Variants in TNS3 observed in about 807,000 individuals in gnomAD.
The protein encoded by TNS3 is tensin 3.
TNS3 carries 45 observed loss-of-function variants against 140.9 expected under a neutral mutation model. The ratio of observed to expected loss-of-function variants is 0.32; its 90% CI spans 0.25 to 0.41. TNS3 has a LOEUF of 0.41. Among genes scored for constraint, TNS3 ranks in the 10% least tolerant of loss-of-function variants. TNS3 has a pLI of 1.00. For synonymous variants in TNS3, 815 were observed against 788.4 expected, an observed-to-expected ratio of 1.03 and a Z score of -0.56; for missense variants, 1,716 against 1,906.7, an observed-to-expected ratio of 0.90 and a Z score of 1.86.
intron 20 of TNS3, among the ~76,000 whole-genome samples, chr7:47,332,105 G>A (rs1788374886): frequency 6.6e-6 from 1 of 152,224 alleles, no homozygotes; most frequent in African/African-American, 2.4e-5. Flanking sequence ...AAAAGAATGG[G>A]TGCATTTTGG....
intron 1 of TNS3, among the ~76,000 whole-genome samples, chr7:47,581,262 G>C (rs1784524265): frequency 6.6e-6 from 1 of 151,984 alleles, no homozygotes; most frequent in Admixed American, 6.6e-5. Context: ...GTCAGCGACA[G>C]CTCCCGCGTG....
chr7:47,462,417 C>A (rs182890352), intron 4 of TNS3, among the ~76,000 whole-genome samples: 1 of 152,152 alleles, frequency 6.6e-6, no homozygotes, highest in Non-Finnish European at 1.5e-5. Context: ...TGCGCCTGGC[C>A]GAGGTTATGT....
intron 17 of TNS3, among the ~76,000 whole-genome samples, chr7:47,348,615 T>G (rs1366210916): frequency 1.3e-5 from 2 of 152,240 alleles, no homozygotes; most frequent in Non-Finnish European, 2.9e-5. Context: ...TTGTATACAT[T>G]TATCAAAATA....
chr7:47,376,169 T>C (rs1286327498), intron 16 of TNS3, among the ~76,000 whole-genome samples: 1 of 152,170 alleles, frequency 6.6e-6, no homozygotes, highest in Non-Finnish European at 1.5e-5. Flanking sequence ...CCTGATGATG[T>C]GCTGGAGAAT....
chr7:47,303,070 A>G lies in TNS3; in HGVS notation c.3337T>C (p.Ser1113Pro), dbSNP rs781637672. The part of the protein sequence containing the change: ...RASEGDRSLG[S>P]VSPSSSGFSS... ...AAGCCACTGGAGGAGGGAGAGACTG[A>G]GCCCAAAGAACGATCCCCCTCCGAG... Residue 1113 changes from serine (S) to proline (P), a missense_variant, in exon 22 of 31, where the codon TCA becomes CCA. Around this residue, in one of 3 missense-constraint regions of TNS3, gnomAD observed 1,163 missense variants for 1,182.1 expected, o/e 0.98. Coordinates refer to ENST00000311160, the MANE Select transcript of TNS3 (RefSeq NM_022748.12). The G allele has an allele frequency of 1.1e-5, 17 of 1,614,156 alleles. No individual in the cohort carries two copies. The South Asian group carries it at 1.9e-4, about 18-fold the overall frequency.
intron 16 of TNS3, among the ~76,000 whole-genome samples, chr7:47,378,615 T>C (rs958774341): frequency 3.2e-4 from 49 of 152,198 alleles, no homozygotes; most frequent in African/African-American, 1.2e-3. Flanking sequence ...GGGCAACCAC[T>C]GTCTTCCAAG....
chr7:47,435,384 T>C lies in TNS3; in HGVS notation c.222A>G (p.Pro74=), dbSNP rs1795127955. ...LNPKIMDVGW[P]ELHAPPLDKM... is the part of the protein sequence containing the mutation. ...TATCCAGGGGCGGTGCGTGGAGCTC[T>C]GGCCAGCCCACATCCATGATCTGCA... The change falls in exon 8 of 31, where the codon CCA becomes CCG. Residue 74 remains proline, a synonymous_variant. Transcript: ENST00000311160. 1 of 1,613,800 alleles carries C rather than the reference T, an allele frequency of 6.2e-7. No homozygotes were observed. Among genetic ancestry groups the C allele is most frequent in the Admixed American group, 1.7e-5 (1 of 60,000 alleles).
At chr7:47,545,686 T>A (rs1346459317) in intron 1 of TNS3, among the ~76,000 whole-genome samples, 1 of 152,170 alleles carries the variant, frequency 6.6e-6, no homozygotes, top group Non-Finnish European at 1.5e-5. Flanking sequence ...TCGACCCCCG[T>A]CCTTTCACAC....
intron 24 of TNS3, 30 bp from the exon 25 acceptor site, chr7:47,293,858 T>G (rs1785854476): frequency 2.5e-6 from 4 of 1,610,428 alleles, no homozygotes; most frequent in Non-Finnish European, 3.4e-6. Context: ...GAAAGAAGAA[T>G]TTTTTGAAAA....
chr7:47,552,701 C>T (rs868058622), intron 1 of TNS3, among the ~76,000 whole-genome samples: 6 of 152,180 alleles, frequency 3.9e-5, no homozygotes, highest in Non-Finnish European at 7.3e-5. Context: ...TCCCTCTCCT[C>T]GGACCTCCAT....
At position 47,278,153 on chromosome 7, in the gene TNS3, G is replaced by C. The variant is rs780601229; in HGVS notation, c.4261C>G (p.His1421Asp). Residue 1421 changes from histidine to aspartate, a missense_variant, in exon 31 of 31, where the codon CAT (histidine) becomes GAT (aspartate). This residue lies in a region of TNS3 where 216 missense variants were observed against 295.7 expected (regional missense o/e 0.73). Transcript: ENST00000311160. ...TDNVCHLFAE[H>D]DPEQPASAIV... ...GCACTGGCAGGCTGCTCAGGGTCATGCTCTGCAAACAGGTGGCACACATTA... is the reference window on the plus strand; with the variant it reads ...GCACTGGCAGGCTGCTCAGGGTCATCCTCTGCAAACAGGTGGCACACATTA... 6.2e-7 allele frequency: 1 copy of C among 1,614,158 alleles called. No individual in the cohort carries two copies.
At chr7:47,578,079 G>A (rs531922747) in intron 1 of TNS3, among the ~76,000 whole-genome samples, 17 of 151,278 alleles carry the variant, frequency 1.1e-4, no homozygotes, top group Non-Finnish European at 1.5e-4. Flanking sequence ...TTGGGAGGCC[G>A]AGGCAGGTGG....
At chr7:47,376,740 C>CACACACACACACACACAA (rs1398392229) in intron 16 of TNS3, among the ~76,000 whole-genome samples, 4 of 151,934 alleles carry the variant, frequency 2.6e-5, no homozygotes, top group African/African-American at 4.8e-5. Flanking sequence ...CACACACACA[C>CACACACACACACACACAA]ACACACACAC....
intron 2 of TNS3, among the ~76,000 whole-genome samples, chr7:47,515,064 T>C (rs933940270): frequency 1.7e-4 from 26 of 152,326 alleles, no homozygotes; most frequent in Middle Eastern, 3.4e-3. Context: ...CTTAACCCCA[T>C]TGCTCAATGT....
At chr7:47,530,052 A>T (rs1188102976) in intron 1 of TNS3, among the ~76,000 whole-genome samples, 1 of 152,252 alleles carries the variant, frequency 6.6e-6, no homozygotes, top group Non-Finnish European at 1.5e-5. Context: ...CAGCAATTCC[A>T]TTCTTATTTA....
Position 47,400,692 on chromosome 7 carries a change from T to C in TNS3, c.853+93A>G, listed in dbSNP as rs190781013. On this transcript the variant is annotated intron_variant, in intron 14 of 30. Transcript: ENST00000311160. ...ACAATTTTGTCAGTAGGCTGAATTT[T>C]GGAAAGAGGGTAAAGGGGATAGTGA... is the stretch of plus-strand genomic sequence containing the variant. The C allele has an allele frequency of 2.1e-5, 32 of 1,543,050 alleles. No homozygotes were observed. In the East Asian group the frequency reaches 7.3e-4, roughly 35 times the overall value.
intron 8 of TNS3, among the ~76,000 whole-genome samples, chr7:47,429,270 G>A (rs1252768026): frequency 6.6e-6 from 1 of 152,202 alleles, no homozygotes; most frequent in Non-Finnish European, 1.5e-5. Context: ...ACTCCCATCT[G>A]TTTACCTACA....
At chr7:47,342,587 A>C (rs535120286) in intron 20 of TNS3, among the ~76,000 whole-genome samples, 1 of 152,360 alleles carries the variant, frequency 6.6e-6, no homozygotes, top group South Asian at 2.1e-4. Flanking sequence ...TCTAGGTTAG[A>C]CAAGACAAAG....
At chr7:47,308,332 T>C (rs1009541277) in intron 20 of TNS3, among the ~76,000 whole-genome samples, 1 of 152,226 alleles carries the variant, frequency 6.6e-6, no homozygotes, top group Non-Finnish European at 1.5e-5. Context: ...TGGGTCTTTT[T>C]ATATGTTCCA....
Sources: allele counts gnomAD v4.1 joint callset (sites outside exome capture counted in the v4.1 genomes callset), GRCh38; gene constraint gnomAD v4.1.1; regional missense constraint gnomAD v4.1.1; transcripts MANE v1.5; gene names NCBI Gene and HGNC (gene_info 2026-07-23, HGNC 2026-07-21).